The following CAMKMT variants were observed in gnomAD, a reference collection of about 807,000 sequenced individuals.
The protein encoded by CAMKMT is calmodulin-lysine N-methyltransferase.
CAMKMT carries 53 observed loss-of-function variants against 48.0 expected under a neutral mutation model. The observed-to-expected ratio is 1.10, with a 90% CI of 0.89 to 1.39. CAMKMT has a LOEUF of 1.39. Among genes scored for constraint, CAMKMT ranks in the 40% most tolerant of loss-of-function variants. The pLI is 0.00. For synonymous variants in CAMKMT, 165 were observed against 152.3 expected (o/e 1.08, Z -0.61); for missense variants, 428 against 402.7 (o/e 1.06, Z -0.54).
At chr2:44,638,043 A>G (rs1673232148) in intron 3 of CAMKMT, among the ~76,000 whole-genome samples, 1 of 141,422 alleles carries the variant, frequency 7.1e-6, no homozygotes, top group Admixed American at 7.6e-5. Context: ...CGACCGAGCG[A>G]GACTCCATCT....
chr2:44,484,991 T>G (rs959127977), intron 3 of CAMKMT, among the ~76,000 whole-genome samples: 3 of 152,036 alleles, frequency 2.0e-5, no homozygotes, highest in African/African-American at 7.3e-5. Context: ...AGTCACCAGG[T>G]AAATACAAAT....
chr2:44,757,967 T>A (rs897159822), intron 9 of CAMKMT, among the ~76,000 whole-genome samples: 2 of 152,150 alleles, frequency 1.3e-5, no homozygotes, highest in African/African-American at 4.8e-5. Context: ...TTTCTGCACA[T>A]AATTGGCACA....
intron 3 of CAMKMT, among the ~76,000 whole-genome samples, chr2:44,480,548 A>C (rs1260412058): frequency 6.6e-6 from 1 of 152,178 alleles, no homozygotes; most frequent in Admixed American, 6.6e-5. Context: ...TTATTGCTCA[A>C]ATTAATTATC....
At chr2:44,503,033 T>C (rs1341269980) in intron 3 of CAMKMT, among the ~76,000 whole-genome samples, 2 of 152,196 alleles carry the variant, frequency 1.3e-5, no homozygotes, top group East Asian at 3.9e-4. Context: ...TGCTTGGCTA[T>C]GAAGAGGGCA....
chr2:44,565,626 C>CA (rs887790759), intron 3 of CAMKMT, among the ~76,000 whole-genome samples: 5 of 150,824 alleles, frequency 3.3e-5, no homozygotes, highest in South Asian at 4.2e-4. Context: ...CAAAACAAAA[C>CA]AAAAAAACGA....
chr2:44,649,434 A>C (rs1417774150), intron 3 of CAMKMT, among the ~76,000 whole-genome samples: 1 of 152,086 alleles, frequency 6.6e-6, no homozygotes, highest in Non-Finnish European at 1.5e-5. Context: ...TTAAAAATAA[A>C]GGTCTGTAAA....
chr2:44,425,218 G>A (rs540520592), intron 3 of CAMKMT, among the ~76,000 whole-genome samples: 18 of 152,206 alleles, frequency 1.2e-4, no homozygotes, highest in African/African-American at 4.3e-4. Flanking sequence ...TAATGGCTGG[G>A]TTTTTAAATG....
chr2:44,715,173 A>C, intron 6 of CAMKMT, 114 bp from the exon 7 acceptor site: 1 of 642,244 alleles, frequency 1.6e-6, no homozygotes, highest in Non-Finnish European at 2.6e-6. Flanking sequence ...AGCCTGGGCA[A>C]CAGAGCGAGA....
At position 44,718,878 on chromosome 2, in the gene CAMKMT, T is replaced by C. The variant is rs539236738; in HGVS notation, c.623+3525T>C. Among the ~76,000 whole-genome samples the C allele has an allele frequency of 5.3e-5, 8 of 152,342 alleles. No homozygotes were observed. The South Asian group carries it at 1.4e-3, about 28-fold the overall frequency. On this transcript the variant is annotated intron_variant, in intron 7 of 10. Transcript: ENST00000378494. The stretch of plus-strand genomic sequence containing the variant: ...ACTATGGAACTTGTGTTAAGACTTT[T>C]TTTATAACCCAAACTTTACCTTTAT...
intron 3 of CAMKMT, among the ~76,000 whole-genome samples, chr2:44,483,493 A>C (rs1415960065): frequency 2.0e-5 from 3 of 152,162 alleles, no homozygotes; most frequent in Non-Finnish European, 4.4e-5. Context: ...TAGAGAGTGT[A>C]TATGAGTAGT....
intron 3 of CAMKMT, among the ~76,000 whole-genome samples, chr2:44,693,026 C>G (rs1009194239): frequency 1.3e-5 from 2 of 152,114 alleles, no homozygotes; most frequent in African/African-American, 4.8e-5. Context: ...GTTACCACCC[C>G]CTTCATCTAA....
intron 3 of CAMKMT, among the ~76,000 whole-genome samples, chr2:44,435,614 A>G (rs1666188972): frequency 6.6e-6 from 1 of 152,204 alleles, no homozygotes; most frequent in African/African-American, 2.4e-5. Flanking sequence ...GCTTTCCAGT[A>G]GTGACTTAAT....
chr2:44,710,133 A>G (rs1054586269), intron 6 of CAMKMT, among the ~76,000 whole-genome samples: 13 of 150,986 alleles, frequency 8.6e-5, no homozygotes, highest in Non-Finnish European at 1.5e-4. Context: ...ATTTCCTGAT[A>G]TTTCCTTTTA....
intron 3 of CAMKMT, among the ~76,000 whole-genome samples, chr2:44,696,558 A>G (rs1034068273): frequency 2.6e-5 from 4 of 152,168 alleles, no homozygotes; most frequent in Non-Finnish European, 5.9e-5. Flanking sequence ...GGAGAGGGTT[A>G]AACTGGGGAT....
At chr2:44,503,511 T>G (rs1023260196) in intron 3 of CAMKMT, among the ~76,000 whole-genome samples, 3 of 152,184 alleles carry the variant, frequency 2.0e-5, no homozygotes, top group Non-Finnish European at 2.9e-5. Context: ...AGGCTTGAGA[T>G]GTCATAGAAG....
chr2:44,746,349 A>C lies in CAMKMT; in HGVS notation c.698+2653A>C, dbSNP rs1187204227. ...CCACATTGTGGTTCAAGTAAAATGC[A>C]CATGATTACAACAAATGGTGATATG... On this transcript the variant is annotated intron_variant, in intron 8 of 10. Coordinates refer to ENST00000378494, the MANE Select transcript of CAMKMT (RefSeq NM_024766.5). Among the ~76,000 whole-genome samples, 4 of 152,240 alleles carry C rather than the reference A, an allele frequency of 2.6e-5. No homozygotes were observed. The East Asian group carries it at 7.7e-4, about 29-fold the overall frequency.
intron 3 of CAMKMT, among the ~76,000 whole-genome samples, chr2:44,421,593 T>A (rs188547085): frequency 7.5e-4 from 114 of 152,252 alleles, no homozygotes; most frequent in African/African-American, 2.5e-3. Context: ...TGAAAAAAAT[T>A]ATCTTGCTTT....
intron 3 of CAMKMT, among the ~76,000 whole-genome samples, chr2:44,528,544 G>A (rs1220631692): frequency 6.6e-6 from 1 of 152,052 alleles, no homozygotes; most frequent in African/African-American, 2.4e-5. Context: ...CCATTATACT[G>A]TAATACTGCT....
chr2:44,708,969 G>C (rs1444151258), intron 6 of CAMKMT, among the ~76,000 whole-genome samples: 2 of 151,902 alleles, frequency 1.3e-5, no homozygotes, highest in Non-Finnish European at 2.9e-5. Context: ...TCAAACTATG[G>C]GAAACATCTG....
Sources: gnomAD v4.1 joint callset for allele counts (sites outside exome capture counted in the v4.1 genomes callset) on GRCh38, gnomAD v4.1.1 for gene constraint, MANE v1.5 for transcripts, NCBI Gene and HGNC (gene_info 2026-07-23, HGNC 2026-07-21) for gene names.